FBXO11: variants seen among roughly 807,000 people sequenced by gnomAD.
The protein encoded by FBXO11 is F-box only protein 11.
In FBXO11, 13 loss-of-function variants were observed where a neutral mutation model predicts 117.0. The ratio of observed to expected loss-of-function variants is 0.11; its 90% CI spans 0.07 to 0.18. The LOEUF (loss-of-function observed/expected upper bound fraction) is 0.18. FBXO11 is among the 10% of genes least tolerant of loss of function. FBXO11 has a pLI of 1.00. For synonymous variants in FBXO11, 490 were observed against 380.5 expected, an observed-to-expected ratio of 1.29 and a Z score of -3.35; for missense variants, 767 against 1,164.4, an observed-to-expected ratio of 0.66 and a Z score of 4.97.
intron 1 of FBXO11, among the ~76,000 whole-genome samples, chr2:47,893,367 T>C (rs530437144): frequency 0.073 from 11,056 of 151,046 alleles, 555 homozygotes; most frequent in Non-Finnish European, 0.11. Context: ...TATATATATA[T>C]ACACACATAC....
intron 1 of FBXO11, among the ~76,000 whole-genome samples, chr2:47,847,800 C>T (rs568126906): frequency 6.6e-6 from 1 of 152,112 alleles, no homozygotes; most frequent in South Asian, 2.1e-4. Context: ...TGGTGCGTGA[C>T]TGTGTTAGAC....
chr2:47,899,049 C>A (rs1004489805), intron 1 of FBXO11, among the ~76,000 whole-genome samples: 7 of 151,708 alleles, frequency 4.6e-5, no homozygotes, highest in African/African-American at 1.7e-4. Flanking sequence ...CCGAGGCGGG[C>A]GGATCACGAG....
intron 1 of FBXO11, among the ~76,000 whole-genome samples, chr2:47,890,777 C>G (rs112108267): frequency 0.073 from 11,014 of 151,696 alleles, 566 homozygotes; most frequent in Non-Finnish European, 0.11. Context: ...GTGCTCCAGT[C>G]TGGGCGACAG....
chr2:47,832,342 T>G lies in FBXO11; in HGVS notation c.1398+7A>C, dbSNP rs1672261368. ...TCCGTTTTTCTATTAAAAATAAGTG[T>G]TCTTACCATGCCATGATCAAATGTG... On this transcript the variant is annotated splice_region_variant and intron_variant, in intron 11 of 22. Transcript: ENST00000403359. The G allele has an allele frequency of 6.3e-7, 1 of 1,591,248 alleles. No individual in the cohort carries two copies. Among genetic ancestry groups the G allele is most frequent in the East Asian group, 2.2e-5 (1 of 44,648 alleles).
At chr2:47,843,150 T>G (rs1183240965) in intron 1 of FBXO11, among the ~76,000 whole-genome samples, 1 of 152,198 alleles carries the variant, frequency 6.6e-6, no homozygotes, top group African/African-American at 2.4e-5. Flanking sequence ...CGCCTAGGCA[T>G]TTGTGGAACT....
intron 1 of FBXO11, among the ~76,000 whole-genome samples, chr2:47,841,579 G>A (rs1025643340): frequency 2.0e-5 from 3 of 152,012 alleles, no homozygotes; most frequent in Admixed American, 2.0e-4. Flanking sequence ...CAAAAACAGT[G>A]GGAGAAAAAT....
chr2:47,886,904 T>C (rs1481009759), intron 1 of FBXO11, among the ~76,000 whole-genome samples: 1 of 152,184 alleles, frequency 6.6e-6, no homozygotes, highest in Non-Finnish European at 1.5e-5. Context: ...CTGAGCATAG[T>C]GGCACATGCC....
At chr2:47,838,194 C>G (rs1369213514) in intron 4 of FBXO11, among the ~76,000 whole-genome samples, 1 of 151,980 alleles carries the variant, frequency 6.6e-6, no homozygotes, top group Non-Finnish European at 1.5e-5. Context: ...GAGCGTGACA[C>G]TGCACTCCAG....
chr2:47,895,074 A>G (rs150483579), intron 1 of FBXO11, among the ~76,000 whole-genome samples: 1 of 152,202 alleles, frequency 6.6e-6, no homozygotes, highest in African/African-American at 2.4e-5. Context: ...TTGCAAAGTA[A>G]ATGGAAATTT....
Position 47,905,741 on chromosome 2 carries a change from C to T in FBXO11, c.-21G>A, listed in dbSNP as rs1327620127. Reference sequence around the variant, plus strand: ...TTCATTTGCCGGGCTGAGGTGGCGGCGTTGGCGGAGGGACACACACACGCA... The same window carrying T: ...TTCATTTGCCGGGCTGAGGTGGCGGTGTTGGCGGAGGGACACACACACGCA... On this transcript the variant is annotated 5_prime_UTR_variant, in exon 1 of 23. Transcript: ENST00000403359. The T allele has an allele frequency of 7.7e-6, 11 of 1,428,518 alleles. No individual in the cohort carries two copies. The highest frequency in any genetic ancestry group is 2.1e-5 in the Admixed American group (1 of 47,024). The allele number at this position is 1,428,518 out of a possible 1,614,324, so 88.5% of individuals were successfully genotyped here. A position where few individuals can be genotyped will look rare whatever the true frequency, so the allele number is the denominator to read the frequency against.
At chr2:47,851,179 C>G (rs975349679) in intron 1 of FBXO11, among the ~76,000 whole-genome samples, 1 of 152,152 alleles carries the variant, frequency 6.6e-6, no homozygotes, top group Admixed American at 6.6e-5. Flanking sequence ...TAGCTTTAGC[C>G]TAACCTTGGA....
intron 1 of FBXO11, among the ~76,000 whole-genome samples, chr2:47,889,633 GTTTT>G (rs35254589): frequency 4.7e-5 from 7 of 148,360 alleles, no homozygotes; most frequent in African/African-American, 2.5e-5. Flanking sequence ...AAGTGAGAGG[GTTTT>G]TTTTTTTTTA....
intron 1 of FBXO11, among the ~76,000 whole-genome samples, chr2:47,902,140 T>C (rs1678345349): frequency 6.6e-6 from 1 of 152,034 alleles, no homozygotes; most frequent in Non-Finnish European, 1.5e-5. Context: ...TTCACTACGT[T>C]GGCCAGGCTG....
At chr2:47,865,070 A>T (rs1052587147) in intron 1 of FBXO11, among the ~76,000 whole-genome samples, 1 of 152,230 alleles carries the variant, frequency 6.6e-6, no homozygotes, top group Non-Finnish European at 1.5e-5. Context: ...GAATTAACAG[A>T]GTTGTGTTAA....
At chr2:47,881,442 A>G (rs1676426123) in intron 1 of FBXO11, among the ~76,000 whole-genome samples, 2 of 152,142 alleles carry the variant, frequency 1.3e-5, no homozygotes, top group African/African-American at 4.8e-5. Flanking sequence ...TTTAGACAAT[A>G]CCTATTAGTT....
chr2:47,852,661 T>C (rs965964543), intron 1 of FBXO11, among the ~76,000 whole-genome samples: 4 of 152,228 alleles, frequency 2.6e-5, no homozygotes, highest in African/African-American at 9.6e-5. Context: ...CAAATGATGA[T>C]GGATGATAAT....
chr2:47,868,719 G>C (rs778980623), intron 1 of FBXO11, among the ~76,000 whole-genome samples: 2 of 152,168 alleles, frequency 1.3e-5, no homozygotes, highest in Non-Finnish European at 2.9e-5. Flanking sequence ...TACTTGCCAA[G>C]GTTGATTTGG....
chr2:47,903,336 T>C (rs564818638), intron 1 of FBXO11, among the ~76,000 whole-genome samples: 2 of 152,318 alleles, frequency 1.3e-5, no homozygotes, highest in African/African-American at 2.4e-5. Flanking sequence ...AAACAGTTTG[T>C]ACTAGCTGCA....
chr2:47,891,561 G>A (rs1333744013), intron 1 of FBXO11, among the ~76,000 whole-genome samples: 1 of 152,186 alleles, frequency 6.6e-6, no homozygotes, highest in Non-Finnish European at 1.5e-5. Context: ...TGGCTATTGT[G>A]AATAGTGCCA....
Sources: allele counts gnomAD v4.1 joint callset (sites outside exome capture counted in the v4.1 genomes callset), GRCh38; gene constraint gnomAD v4.1.1; transcripts MANE v1.5; gene names NCBI Gene and HGNC (gene_info 2026-07-23, HGNC 2026-07-21).